Variants in ABCA13 observed in about 807,000 individuals in gnomAD.
ABCA13 encodes ATP-binding cassette sub-family A member 13.
ABCA13 carries 476 observed loss-of-function variants against 478.7 expected under a neutral mutation model. The observed-to-expected ratio is 0.99, with a 90% CI of 0.92 to 1.07. ABCA13 has a LOEUF of 1.07. Among genes scored for constraint, ABCA13 ranks in the 50% least tolerant of loss-of-function variants. The pLI, the probability that ABCA13 is intolerant of heterozygous loss-of-function variation, is 0.00. For missense variants in ABCA13, 6,060 were observed against 5,910.6 expected (o/e 1.03, Z -0.83); for synonymous variants, 2,252 against 2,158.9 (o/e 1.04, Z -1.20).
At chr7:48,281,554 A>G (rs1797040751) in intron 19 of ABCA13, 102 bp downstream of exon 19, 3 of 1,044,494 alleles carry the variant, frequency 2.9e-6, no homozygotes, top group Admixed American at 4.6e-5. Flanking sequence ...TTCTTTTAGA[A>G]CAAAGCACAG....
At position 48,204,758 on chromosome 7, in the gene ABCA13, C is replaced by G. The variant is rs903809164; in HGVS notation, c.287+6398C>G. ...CTCTTCTATATGCAGTCAGCTCTGT[C>G]GTGGTCAGCTACCTGCTCGCGATGC... On this transcript the variant is annotated intron_variant, in intron 3 of 61. Coordinates refer to ENST00000435803, the MANE Select transcript of ABCA13 (RefSeq NM_152701.5). Among the ~76,000 whole-genome samples, 75 of 152,298 alleles carry G rather than the reference C, an allele frequency of 4.9e-4. 1 individual carries two copies. The highest frequency in any genetic ancestry group is 1.7e-3 in the African/African-American group (72 of 41,562).
chr7:48,178,975 CTAATAA>C (rs369219799), intron 1 of ABCA13, among the ~76,000 whole-genome samples: 26,265 of 141,876 alleles, frequency 0.19, 2,684 homozygotes, highest in Admixed American at 0.28. Flanking sequence ...AAAACAAAAA[CTAATAA>C]TAATAATAAT....
At chr7:48,403,587 G>T (rs545955932) in intron 38 of ABCA13, 96 bp from the exon 39 acceptor site, 1 of 1,257,612 alleles carries the variant, frequency 8.0e-7, no homozygotes, top group South Asian at 1.3e-5. Context: ...GGTTTATAAC[G>T]ATTTCAGCCA....
At chr7:48,461,001 G>A (rs1826184215) in intron 43 of ABCA13, among the ~76,000 whole-genome samples, 1 of 152,138 alleles carries the variant, frequency 6.6e-6, no homozygotes, top group South Asian at 2.1e-4. Context: ...TATGTATGTG[G>A]CATCTTTATC....
chr7:48,318,775 C>A (rs1201100526), intron 27 of ABCA13, among the ~76,000 whole-genome samples: 2 of 151,760 alleles, frequency 1.3e-5, no homozygotes, highest in African/African-American at 4.8e-5. Flanking sequence ...AGGAATTTCA[C>A]AGAAAATGGC....
chr7:48,290,601 T>C (rs1439796262), intron 20 of ABCA13, among the ~76,000 whole-genome samples: 1 of 152,222 alleles, frequency 6.6e-6, no homozygotes, highest in Non-Finnish European at 1.5e-5. Context: ...GTCAAAATTA[T>C]TATTTTATTA....
intron 29 of ABCA13, 113 bp downstream of exon 29, chr7:48,338,568 T>G (rs1193263744): frequency 1.5e-6 from 1 of 651,740 alleles, no homozygotes; most frequent in African/African-American, 1.9e-5. Flanking sequence ...CAAGTCACTT[T>G]TCCTCTCTCA....
intron 57 of ABCA13, among the ~76,000 whole-genome samples, chr7:48,588,762 A>G (rs1789447363): frequency 6.6e-6 from 1 of 152,226 alleles, no homozygotes; most frequent in Admixed American, 6.5e-5. Context: ...ATTCGTGACT[A>G]TGATGATGGT....
At chr7:48,519,498 A>C (rs1250652532) in intron 52 of ABCA13, among the ~76,000 whole-genome samples, 1 of 152,222 alleles carries the variant, frequency 6.6e-6, no homozygotes, top group Admixed American at 6.5e-5. Flanking sequence ...CACAGTTTAT[A>C]TGATGACACA....
At chr7:48,560,168 A>G (rs12113960) in intron 55 of ABCA13, among the ~76,000 whole-genome samples, 31,351 of 152,104 alleles carry the variant, frequency 0.21, 3,899 homozygotes, top group African/African-American at 0.34. Context: ...CAGAGATGGT[A>G]AGGCTTGCTG....
At chr7:48,200,409 T>C (rs1182745285) in intron 3 of ABCA13, among the ~76,000 whole-genome samples, 2 of 152,144 alleles carry the variant, frequency 1.3e-5, no homozygotes, top group Non-Finnish European at 2.9e-5. Flanking sequence ...CAGGAAATAA[T>C]CTACCTTTGT....
At chr7:48,295,594 A>AACT (rs1799243654) in intron 20 of ABCA13, 106 bp from the exon 21 acceptor site, 1 of 1,421,584 alleles carries the variant, frequency 7.0e-7, no homozygotes, top group Non-Finnish European at 9.7e-7. Flanking sequence ...GCACAGAAGC[A>AACT]ACTGACATGA....
chr7:48,584,851 G>A (rs56230793), intron 56 of ABCA13, among the ~76,000 whole-genome samples: 5,212 of 152,094 alleles, frequency 0.034, 311 homozygotes, highest in African/African-American at 0.12. Flanking sequence ...ATGTTGATTC[G>A]GTTAAAGCGG....
In ABCA13 at chr7:48,574,086, G is replaced by A. The variant is rs115572414; in HGVS notation, c.14355-6138G>A. ...CAAATAAGGTCATATTCCAAGGCAT[G>A]GGGAGTTAGGACCCCAATATTATTA... On this transcript the variant is annotated intron_variant, in intron 55 of 61. Coordinates refer to ENST00000435803, the MANE Select transcript of ABCA13 (RefSeq NM_152701.5). 4.7e-3 allele frequency among the ~76,000 whole-genome samples: 716 copies of A among 152,026 alleles called. 5 individuals are homozygous for A. The highest frequency in any genetic ancestry group is 0.016 in the African/African-American group (679 of 41,456).
chr7:48,583,659 G>T (rs548105396), intron 56 of ABCA13, among the ~76,000 whole-genome samples: 1 of 152,286 alleles, frequency 6.6e-6, no homozygotes, highest in Non-Finnish European at 1.5e-5. Flanking sequence ...CTGAAGTATG[G>T]TACAATTTCT....
Position 48,275,858 on chromosome 7 carries a change from A to T in ABCA13, c.6192A>T (p.Gln2064His). 1 of 1,613,562 alleles carries T rather than the reference A, an allele frequency of 6.2e-7. No individual in the cohort carries two copies. Among genetic ancestry groups the T allele is most frequent in the South Asian group, 1.1e-5 (1 of 91,070 alleles). The change falls in exon 17 of 62, where the codon CAA becomes CAT. Residue 2064 changes from glutamine (Q) to histidine (H), a missense_variant. By Grantham distance (24) the Gln-to-His change is conservative (BLOSUM62 0). Around this residue, in one of 3 missense-constraint regions of ABCA13, gnomAD observed 4,423 missense variants for 4,309.1 expected, o/e 1.03. Coordinates refer to ENST00000435803, the MANE Select transcript of ABCA13 (RefSeq NM_152701.5). ...NFEELWPKFQ[Q>H]IMKDLTQDFR... Reference sequence around the variant, plus strand: ...AAGAACTATGGCCCAAGTTTCAACAAATCATGAAAGACCTAACCCAAGATT... The same window carrying T: ...AAGAACTATGGCCCAAGTTTCAACATATCATGAAAGACCTAACCCAAGATT...
chr7:48,394,540 T>C (rs150720834), intron 38 of ABCA13, among the ~76,000 whole-genome samples: 1 of 152,188 alleles, frequency 6.6e-6, no homozygotes, highest in African/African-American at 2.4e-5. Flanking sequence ...TTTACGACAT[T>C]TATCATTTCA....
intron 1 of ABCA13, among the ~76,000 whole-genome samples, chr7:48,183,713 C>T (rs1489415340): frequency 6.6e-6 from 1 of 152,192 alleles, no homozygotes; most frequent in Non-Finnish European, 1.5e-5. Context: ...TGTAACAGTG[C>T]CTGACGTGGT....
intron 6 of ABCA13, 118 bp downstream of exon 6, chr7:48,227,543 C>T: frequency 8.1e-7 from 1 of 1,241,178 alleles, no homozygotes; most frequent in Non-Finnish European, 1.1e-6. Context: ...AATAATGTTA[C>T]CTTGAAACAA....
Sources: allele counts gnomAD v4.1 joint callset (sites outside exome capture counted in the v4.1 genomes callset), GRCh38; gene constraint gnomAD v4.1.1; regional missense constraint gnomAD v4.1.1; transcripts MANE v1.5; gene names NCBI Gene and HGNC (gene_info 2026-07-23, HGNC 2026-07-21).